ATP13A2: variants seen among roughly 807,000 people sequenced by gnomAD.
The protein encoded by ATP13A2 is polyamine-transporting ATPase 13A2.
A neutral mutation model predicts 138.3 loss-of-function variants in ATP13A2; 83 were observed. The observed-to-expected ratio is 0.60, with a 90% CI of 0.50 to 0.72. The LOEUF (loss-of-function observed/expected upper bound fraction) is 0.72. Among genes scored for constraint, ATP13A2 ranks in the 30% least tolerant of loss-of-function variants. ATP13A2 has a pLI of 0.00. For synonymous variants in ATP13A2, 663 were observed against 699.0 expected (o/e 0.95, Z 0.81); for missense variants, 1,402 against 1,606.4 (o/e 0.87, Z 2.17).
chr1:17,002,405 C>A, intron 6 of ATP13A2, 32 bp from the exon 7 acceptor site: 1 of 1,605,642 alleles, frequency 6.2e-7, no homozygotes, highest in East Asian at 2.2e-5. Flanking sequence ...CACGCATGGG[C>A]CATGGGGCCT....
rs951045472 is a variant in ATP13A2 at position 17,002,060 on chromosome 1, A to T, written c.679T>A (p.Ser227Thr). Residue 227 changes from serine to threonine, a missense_variant, in exon 8 of 29, where the codon TCC becomes ACC. Ser to Thr is a moderately conservative substitution (Grantham distance 58). Transcript: ENST00000326735. The part of the protein sequence containing the change: ...GPNVISIPVK[S>T]YPQLLVDEAL... ...TCGTCCACCAGCAGCTGGGGGTAGG[A>T]CTTGACCGGTATGCTGATCACGTTG... is the stretch of plus-strand genomic sequence containing the variant. 14 of 1,613,358 alleles carry T rather than the reference A, an allele frequency of 8.7e-6. No individual in the cohort carries two copies. The highest frequency in any genetic ancestry group is 1.1e-5 in the Non-Finnish European group (13 of 1,179,748).
rs372993383 is a variant in ATP13A2, at chr1:16,986,818, C to G, written c.3222G>C (p.Pro1074=). Residue 1074 remains proline (P), a synonymous_variant, in exon 27 of 29, where the codon CCG becomes CCC. Transcript: ENST00000326735. This position sits in a 1 kb window ranked among gnomAD's most constrained non-coding sequence, Gnocchi z 6.9. ...AVSKGAPFRR[P]LYTNVPFLVA... ...CCGCAGTGGCACCATTGGTGTAGAG[C>G]GGCCGGCGGAAGGGCGCCCCCTTGG... The G allele has an allele frequency of 1.9e-6, 3 of 1,612,850 alleles. No homozygotes were observed. The East Asian group carries it at 6.7e-5, about 36-fold the overall frequency.
chr1:16,992,276 C>G lies in ATP13A2; in HGVS notation c.1972G>C (p.Glu658Gln), dbSNP rs2076960207. Residue 658 changes from glutamate (E) to glutamine (Q), a missense_variant, in exon 18 of 29, where the codon GAG becomes CAG. Physicochemically the swap from Glu to Gln is conservative, Grantham distance 29 (BLOSUM62 2). Transcript: ENST00000326735. Reference protein sequence around the residue: ...QPEAYVKGSPELVAGLCNPET... With the variant: ...QPEAYVKGSPQLVAGLCNPET... ...GGGTTGCAGAGCCCTGCCACCAGCT[C>G]CGGGGAGCCTTTGACGTAGGCCTCG... The G allele has an allele frequency of 6.2e-7, 1 of 1,612,536 alleles. No individual in the cohort carries two copies. Among genetic ancestry groups the G allele is most frequent in the Non-Finnish European group, 8.5e-7 (1 of 1,179,946 alleles).
At chr1:17,008,810 C>A (rs1431740612) in intron 1 of ATP13A2, among the ~76,000 whole-genome samples, 5 of 151,940 alleles carry the variant, frequency 3.3e-5, no homozygotes, top group African/African-American at 9.7e-5. Flanking sequence ...AATATAAAAA[C>A]CAAATTAGCC....
In ATP13A2 at chr1:17,005,027, T is replaced by C. The variant is rs747340052; in HGVS notation, c.334A>G (p.Ile112Val). The C allele has an allele frequency of 5.0e-6, 8 of 1,614,066 alleles. No individual in the cohort carries two copies. The highest frequency in any genetic ancestry group is 6.8e-6 in the Non-Finnish European group (8 of 1,180,004). ...GGGCTGCCTCACCTGCCCTCGCCGA[T>C]GGCCTCAGTCTGCACCTGGACAGTG... is the stretch of plus-strand genomic sequence containing the variant. ...LFTVQVQTEA[I>V]GEGSLEPSPQ... Residue 112 changes from isoleucine to valine, a missense_variant, in exon 4 of 29, where the codon ATC becomes GTC. Coordinates refer to ENST00000326735, the MANE Select transcript of ATP13A2 (RefSeq NM_022089.4).
In ATP13A2 at chr1:17,005,712, T is replaced by A; in HGVS notation, c.77A>T (p.Asp26Val). Reference protein sequence around the residue: ...YGTLTIGTSIDPLSSSVSSVR... With the variant: ...YGTLTIGTSIVPLSSSVSSVR... ...GGATGAAACTGAGGAGCTGAGGGGA[T>A]CTATTGATGTCCCTATCGTCAGGGT... The change falls in exon 2 of 29, where the codon GAT becomes GTT. Residue 26 changes from aspartate (D) to valine (V), a missense_variant. Asp to Val is a radical substitution (Grantham distance 152). Transcript: ENST00000326735. 6.2e-7 allele frequency: 1 copy of A among 1,613,854 alleles called. No homozygotes were observed. The highest frequency in any genetic ancestry group is 8.5e-7 in the Non-Finnish European group (1 of 1,179,910).
rs182748624 is a variant in ATP13A2, at chr1:16,990,160, C to T, written c.2379G>A (p.Pro793=). Residue 793 remains proline, a synonymous_variant, in exon 21 of 29, where the codon CCG becomes CCA. Transcript: ENST00000326735. ...RGQPASLEFL[P]MESPTAVNGV... is the part of the protein sequence containing the mutation. ...CATTCACGGCTGTGGGGGACTCCAT[C>T]GGCAGGAACTCGAGAGAGGCAGGCT... is the stretch of plus-strand genomic sequence containing the variant. 3.9e-5 allele frequency: 63 copies of T among 1,614,118 alleles called. No individual in the cohort carries two copies. The East Asian group carries it at 1.2e-3, about 30-fold the overall frequency.
intron 16 of ATP13A2, 88 bp from the exon 17 acceptor site, chr1:16,992,669 G>A (rs1342788862): frequency 1.5e-6 from 2 of 1,349,866 alleles, no homozygotes; most frequent in African/African-American, 2.9e-5. Flanking sequence ...TCCTTCATGG[G>A]AGACTGAATG....
At chr1:17,001,996 C>A in intron 8 of ATP13A2, 38 bp downstream of exon 8, 1 of 1,588,970 alleles carries the variant, frequency 6.3e-7, no homozygotes, top group Non-Finnish European at 8.6e-7. Context: ...ACACAGCACG[C>A]CAGGCAGGGC....
At chr1:17,003,021 T>C (rs2077417958) in intron 6 of ATP13A2, among the ~76,000 whole-genome samples, 1 of 152,180 alleles carries the variant, frequency 6.6e-6, no homozygotes, top group African/African-American at 2.4e-5. Context: ...CCGTGACTGA[T>C]AATGGCAGGG....
rs778404620 is a variant in ATP13A2, at chr1:16,992,297, C to T, written c.1951G>A (p.Ala651Thr). Reference protein sequence around the residue: ...VAWPGATQPEAYVKGSPELVA... With the variant: ...VAWPGATQPETYVKGSPELVA... ...AGCTCCGGGGAGCCTTTGACGTAGGCCTCGGGCTGAGTGGCCCCTGGCCAC... is the reference window on the plus strand; with the variant it reads ...AGCTCCGGGGAGCCTTTGACGTAGGTCTCGGGCTGAGTGGCCCCTGGCCAC... Residue 651 changes from alanine (A) to threonine (T), a missense_variant, in exon 18 of 29, where the codon GCC (alanine) becomes ACC (threonine). Transcript: ENST00000326735. 5 of 1,612,380 alleles carry T rather than the reference C, an allele frequency of 3.1e-6. No homozygotes were observed. The highest frequency in any genetic ancestry group is 1.1e-5 in the South Asian group (1 of 91,048).
chr1:17,005,151 T>C, intron 3 of ATP13A2, 79 bp from the exon 4 acceptor site: 1 of 1,588,646 alleles, frequency 6.3e-7, no homozygotes, highest in Admixed American at 1.7e-5. Flanking sequence ...AGGCGGCCCC[T>C]GCTGGAGAAG....
At chr1:17,006,637 C>T (rs1168230788) in intron 1 of ATP13A2, among the ~76,000 whole-genome samples, 1 of 152,118 alleles carries the variant, frequency 6.6e-6, no homozygotes, top group Non-Finnish European at 1.5e-5. Context: ...GTGCCCCAAG[C>T]CCCCATGGTG....
chr1:17,009,411 A>T (rs866709222), intron 1 of ATP13A2, among the ~76,000 whole-genome samples: 1,051 of 73,306 alleles, frequency 0.014, 6 homozygotes, highest in Non-Finnish European at 0.026. Flanking sequence ...TTTTTTTTTT[A>T]AAAGAGACAG....
rs116618706 is a variant in ATP13A2, at chr1:16,995,325, C to T, written c.1542+651G>A. On this transcript the variant is annotated intron_variant, in intron 15 of 28. Coordinates refer to ENST00000326735, the MANE Select transcript of ATP13A2 (RefSeq NM_022089.4). This position sits in a 1 kb window ranked among gnomAD's most constrained non-coding sequence, Gnocchi z 4.1. ...ACTGCCCACTCCTCAGCCCCAGCAG[C>T]TCCTTTGTGCACTCCTGGATCACTT... 9.1e-3 allele frequency among the ~76,000 whole-genome samples: 1,392 copies of T among 152,292 alleles called. 25 individuals are homozygous for T. The highest frequency in any genetic ancestry group is 0.032 in the African/African-American group (1,334 of 41,552).
Position 17,011,171 on chromosome 1 carries a change from G to T in ATP13A2, c.10+558C>A, listed in dbSNP as rs2077774294. ...CATCTGGCCAGGGATGGGTTGCATG[G>T]AGGGTGTGGCCCTTGGCCCTGGGTG... On this transcript the variant is annotated intron_variant, in intron 1 of 28. Transcript: ENST00000326735. This position sits in a 1 kb window ranked among gnomAD's most constrained non-coding sequence, Gnocchi z 7.3. Among the ~76,000 whole-genome samples, 1 of 152,150 alleles carries T rather than the reference G, an allele frequency of 6.6e-6. No homozygotes were observed. The highest frequency in any genetic ancestry group is 2.1e-4 in the South Asian group (1 of 4,830).
In ATP13A2 at chr1:17,004,451, C is replaced by T; in HGVS notation, c.478-40G>A. Reference sequence around the variant, plus strand: ...GGAGAGGATGGGTTGGAAGCTGGCCCCGGCCCCAGAAGCAGTGTGCTTATG... The same window carrying T: ...GGAGAGGATGGGTTGGAAGCTGGCCTCGGCCCCAGAAGCAGTGTGCTTATG... On this transcript the variant is annotated intron_variant, in intron 5 of 28. Transcript: ENST00000326735. This position sits in a 1 kb window ranked among gnomAD's most constrained non-coding sequence, Gnocchi z 4.1. The T allele has an allele frequency of 6.2e-7, 1 of 1,608,420 alleles. No homozygotes were observed.
intron 11 of ATP13A2, among the ~76,000 whole-genome samples, chr1:16,997,473 G>T (rs1291017108): frequency 6.6e-6 from 1 of 151,110 alleles, no homozygotes; most frequent in Non-Finnish European, 1.5e-5. Flanking sequence ...GGGGCAGGGT[G>T]GGGGAGTCGT....
At chr1:17,007,708 C>T (rs1427251162) in intron 1 of ATP13A2, among the ~76,000 whole-genome samples, 5 of 152,094 alleles carry the variant, frequency 3.3e-5, no homozygotes, top group East Asian at 1.9e-4. Context: ...CCCGCCACCA[C>T]GCCCGGCTAA....
Sources: allele counts gnomAD v4.1 joint callset (sites outside exome capture counted in the v4.1 genomes callset), GRCh38; gene constraint gnomAD v4.1.1; non-coding constraint Gnocchi (gnomAD v3.1); transcripts MANE v1.5; gene names NCBI Gene and HGNC (gene_info 2026-07-23, HGNC 2026-07-21).